The following ZNF277 variants were observed in gnomAD, a reference collection of about 807,000 sequenced individuals.
The protein encoded by ZNF277 is nuclear receptor-interacting factor 4.
In ZNF277, 55 loss-of-function variants were observed where a neutral mutation model predicts 60.7. The observed-to-expected ratio is 0.91, with a 90% CI of 0.73 to 1.13. The LOEUF (loss-of-function observed/expected upper bound fraction) is 1.13. ZNF277 is among the 50% of genes most tolerant of loss of function. The probability of loss-of-function intolerance (pLI) is 0.00; values close to 1 mark genes in which losing one functional copy is unlikely to be tolerated. For synonymous variants in ZNF277, 178 were observed against 179.3 expected, an observed-to-expected ratio of 0.99 and a Z score of 0.06; for missense variants, 510 against 523.0, an observed-to-expected ratio of 0.98 and a Z score of 0.24.
chr7:112,303,013 A>G (rs1352040080), intron 4 of ZNF277, among the ~76,000 whole-genome samples: 2 of 149,332 alleles, frequency 1.3e-5, no homozygotes, highest in African/African-American at 2.5e-5. Flanking sequence ...CTGTGGCACA[A>G]TCTTGGCTCA....
chr7:112,337,960 G>A (rs1233012223), intron 9 of ZNF277, 134 bp downstream of exon 9: 1 of 673,208 alleles, frequency 1.5e-6, no homozygotes, highest in African/African-American at 1.8e-5. Context: ...AGGTCTGTCA[G>A]GGAGAACCAG....
chr7:112,251,103 A>C (rs1791192044), intron 1 of ZNF277, among the ~76,000 whole-genome samples: 1 of 152,134 alleles, frequency 6.6e-6, no homozygotes, highest in South Asian at 2.1e-4. Flanking sequence ...CCAATCATAT[A>C]AATCCTGCCT....
chr7:112,294,480 T>A (rs908434734), intron 2 of ZNF277, among the ~76,000 whole-genome samples: 4 of 152,222 alleles, frequency 2.6e-5, no homozygotes, highest in Non-Finnish European at 4.4e-5. Flanking sequence ...AGCTTAAGAT[T>A]GCCATTTTAA....
chr7:112,319,887 A>G (rs1792937804), intron 5 of ZNF277, among the ~76,000 whole-genome samples: 1 of 151,760 alleles, frequency 6.6e-6, no homozygotes, highest in African/African-American at 2.4e-5. Flanking sequence ...TGGTCTTAAA[A>G]GTTAACTTAA....
intron 1 of ZNF277, among the ~76,000 whole-genome samples, chr7:112,260,102 AC>A (rs1235925411): frequency 6.6e-6 from 1 of 152,160 alleles, no homozygotes; most frequent in Non-Finnish European, 1.5e-5. Flanking sequence ...CCCCGTCTCT[AC>A]TAAAAATACA....
chr7:112,305,508 A>T (rs1390101603), intron 4 of ZNF277, among the ~76,000 whole-genome samples: 2 of 151,846 alleles, frequency 1.3e-5, no homozygotes, highest in Non-Finnish European at 2.9e-5. Flanking sequence ...CGGGGGTAGG[A>T]AAGATTTAAA....
intron 1 of ZNF277, among the ~76,000 whole-genome samples, chr7:112,216,953 C>T (rs1821901122): frequency 6.6e-6 from 1 of 152,176 alleles, no homozygotes; most frequent in African/African-American, 2.4e-5. Flanking sequence ...CTATCTCACT[C>T]TCCTTTCCAT....
chr7:112,220,511 C>T (rs1821997804), intron 1 of ZNF277, among the ~76,000 whole-genome samples: 1 of 152,148 alleles, frequency 6.6e-6, no homozygotes, highest in Non-Finnish European at 1.5e-5. Flanking sequence ...GATGGCTTAT[C>T]CTTGTCTAAC....
intron 1 of ZNF277, among the ~76,000 whole-genome samples, chr7:112,233,078 G>A (rs1822383190): frequency 6.6e-6 from 1 of 151,966 alleles, no homozygotes; most frequent in Non-Finnish European, 1.5e-5. Context: ...CTTCTATCCA[G>A]AATTTTCTTG....
intron 1 of ZNF277, among the ~76,000 whole-genome samples, chr7:112,229,902 G>A (rs759175875): frequency 1.3e-5 from 2 of 152,210 alleles, no homozygotes; most frequent in Non-Finnish European, 2.9e-5. Flanking sequence ...GGATGGGTAT[G>A]CCTTCTTGAT....
At chr7:112,306,212 CTTT>C (rs555931160) in intron 4 of ZNF277, among the ~76,000 whole-genome samples, 1,636 of 116,908 alleles carry the variant, frequency 0.014, 24 homozygotes, top group African/African-American at 0.052. Flanking sequence ...TCTGAATGTT[CTTT>C]TTTTTTTTTT....
At chr7:112,295,196 G>C (rs1467530558) in intron 2 of ZNF277, among the ~76,000 whole-genome samples, 2 of 152,138 alleles carry the variant, frequency 1.3e-5, no homozygotes, top group Non-Finnish European at 2.9e-5. Flanking sequence ...TAAACCACTT[G>C]TTAAATCCTG....
At chr7:112,278,517 G>C (rs1316995179) in intron 1 of ZNF277, among the ~76,000 whole-genome samples, 1 of 152,154 alleles carries the variant, frequency 6.6e-6, no homozygotes, top group Non-Finnish European at 1.5e-5. Context: ...TTGACCATGT[G>C]TGTCAGACAC....
intron 1 of ZNF277, among the ~76,000 whole-genome samples, chr7:112,233,343 A>T (rs1030167455): frequency 2.0e-5 from 3 of 152,194 alleles, no homozygotes; most frequent in Non-Finnish European, 4.4e-5. Context: ...CCATTGCAAG[A>T]TACTGTCCTT....
chr7:112,280,993 T>C (rs1177399944), intron 1 of ZNF277, among the ~76,000 whole-genome samples: 2 of 152,182 alleles, frequency 1.3e-5, no homozygotes, highest in East Asian at 1.9e-4. Context: ...GGAAGTAATC[T>C]GTCAGACAAA....
At chr7:112,251,998 G>T (rs2117010725) in intron 1 of ZNF277, among the ~76,000 whole-genome samples, 1 of 152,262 alleles carries the variant, frequency 6.6e-6, no homozygotes, top group East Asian at 1.9e-4. Flanking sequence ...GATTTTTCAG[G>T]AATGCCACTT....
chr7:112,285,434 A>AT (rs397888986), intron 1 of ZNF277, among the ~76,000 whole-genome samples: 7,502 of 127,440 alleles, frequency 0.059, 305 homozygotes, highest in South Asian at 0.12. Flanking sequence ...AAAATAGGAA[A>AT]TTTTTTTTTT....
At position 112,327,716 on chromosome 7, in the gene ZNF277, G is replaced by T; in HGVS notation, c.558-1G>T. ...TCCTAATTGCTCAAATTTCTTCCTA[G>T]ATCTGTTATTTTGAACCACATGGCC... On this transcript the variant is annotated splice_acceptor_variant, in intron 5 of 11. Coordinates refer to ENST00000361822, the MANE Select transcript of ZNF277 (RefSeq NM_021994.3). LOFTEE classifies it high-confidence loss of function. The T allele has an allele frequency of 6.2e-7, 1 of 1,609,336 alleles. No individual in the cohort carries two copies. The highest frequency in any genetic ancestry group is 1.1e-5 in the South Asian group (1 of 90,106).
intron 5 of ZNF277, among the ~76,000 whole-genome samples, chr7:112,325,607 T>G (rs920156869): frequency 6.6e-6 from 1 of 152,144 alleles, no homozygotes; most frequent in African/African-American, 2.4e-5. Flanking sequence ...CCCAAAAAAG[T>G]TCAGAGCAAG....
Sources: gnomAD v4.1 joint callset for allele counts (sites outside exome capture counted in the v4.1 genomes callset) on GRCh38, gnomAD v4.1.1 for gene constraint, MANE v1.5 for transcripts, NCBI Gene and HGNC (gene_info 2026-07-23, HGNC 2026-07-21) for gene names.